The following FNDC3A variants were observed in gnomAD, a reference collection of about 807,000 sequenced individuals.
FNDC3A encodes fibronectin type III domain containing 3A.
FNDC3A carries 32 observed loss-of-function variants against 148.9 expected under a neutral mutation model. The ratio of observed to expected loss-of-function variants is 0.21; its 90% CI spans 0.16 to 0.29. The LOEUF is 0.29. Among genes scored for constraint, FNDC3A ranks in the 10% least tolerant of loss-of-function variants. FNDC3A has a pLI of 1.00. For missense variants in FNDC3A, 1,191 were observed against 1,452.8 expected (o/e 0.82, Z 2.93); for synonymous variants, 472 against 473.6 (o/e 1.00, Z 0.04).
intron 11 of FNDC3A, 146 bp downstream of exon 11, chr13:49,172,242 G>C: frequency 2.1e-6 from 1 of 474,416 alleles, no homozygotes; most frequent in African/African-American, 2.0e-5. Context: ...GTGGATTGAT[G>C]GTGTTTTCAG....
At chr13:49,041,998 G>A (rs957390140) in intron 2 of FNDC3A, among the ~76,000 whole-genome samples, 21 of 151,928 alleles carry the variant, frequency 1.4e-4, no homozygotes, top group Non-Finnish European at 1.2e-4. Context: ...ATGAGTACTA[G>A]ATAAAAAATA....
intron 2 of FNDC3A, among the ~76,000 whole-genome samples, chr13:49,042,388 T>C (rs2137689033): frequency 6.6e-6 from 1 of 152,212 alleles, no homozygotes; most frequent in East Asian, 1.9e-4. Flanking sequence ...ATTTCTTTAT[T>C]TTCTGATTCG....
intron 2 of FNDC3A, among the ~76,000 whole-genome samples, chr13:49,013,557 T>G (rs940352249): frequency 4.0e-5 from 6 of 151,748 alleles, no homozygotes; most frequent in Admixed American, 3.3e-4. Flanking sequence ...TGTATACATA[T>G]GTACACGTGT....
intron 4 of FNDC3A, among the ~76,000 whole-genome samples, chr13:49,130,886 C>T (rs1329327408): frequency 6.6e-6 from 1 of 152,128 alleles, no homozygotes; most frequent in Non-Finnish European, 1.5e-5. Flanking sequence ...CTGCCTCAGC[C>T]TCCCAAGTAG....
chr13:49,017,088 G>T (rs1464437039), intron 2 of FNDC3A, among the ~76,000 whole-genome samples: 28 of 152,084 alleles, frequency 1.8e-4, no homozygotes, highest in African/African-American at 6.3e-4. Flanking sequence ...GTTGATTTGG[G>T]GTGGAGAGTT....
chr13:49,082,883 C>T (rs1206573496), intron 3 of FNDC3A, among the ~76,000 whole-genome samples: 4 of 151,992 alleles, frequency 2.6e-5, no homozygotes, highest in Non-Finnish European at 5.9e-5. Context: ...GTCACTGACG[C>T]AATGCAATGA....
At chr13:49,151,817 G>T (rs1196267590) in intron 8 of FNDC3A, among the ~76,000 whole-genome samples, 2 of 152,148 alleles carry the variant, frequency 1.3e-5, no homozygotes, top group African/African-American at 4.8e-5. Context: ...CTATGAGTGA[G>T]AACATGCGGT....
intron 8 of FNDC3A, among the ~76,000 whole-genome samples, chr13:49,164,596 AT>A: frequency 6.7e-6 from 1 of 150,060 alleles, no homozygotes; most frequent in Admixed American, 6.6e-5. Flanking sequence ...TTGTTCATTC[AT>A]TTTTATTCTT....
intron 3 of FNDC3A, among the ~76,000 whole-genome samples, chr13:49,106,021 C>T (rs1341014237): frequency 6.6e-6 from 1 of 152,176 alleles, no homozygotes; most frequent in Non-Finnish European, 1.5e-5. Flanking sequence ...TAACCTCACT[C>T]CTTTTCTCCC....
At chr13:49,152,676 A>T (rs1386092563) in intron 8 of FNDC3A, among the ~76,000 whole-genome samples, 4 of 33,070 alleles carry the variant, frequency 1.2e-4, no homozygotes, top group African/African-American at 2.2e-4. Flanking sequence ...CCCTACCCCC[A>T]CCCCACCACA....
chr13:49,206,094 T>C (rs1253953024), intron 25 of FNDC3A, among the ~76,000 whole-genome samples: 1 of 152,172 alleles, frequency 6.6e-6, no homozygotes, highest in African/African-American at 2.4e-5. Flanking sequence ...AATTACAGAA[T>C]GAGTGGTGGG....
chr13:49,059,218 T>C (rs1876476984), intron 2 of FNDC3A, among the ~76,000 whole-genome samples: 1 of 152,148 alleles, frequency 6.6e-6, no homozygotes. Context: ...AAAAATTAAC[T>C]TAAATGGATC....
At chr13:49,099,743 CA>C (rs1324331923) in intron 3 of FNDC3A, among the ~76,000 whole-genome samples, 2 of 151,932 alleles carry the variant, frequency 1.3e-5, no homozygotes, top group Non-Finnish European at 2.9e-5. Context: ...AAATATGTAA[CA>C]TTTTTATAGT....
At chr13:49,060,206 A>G (rs909518911) in intron 2 of FNDC3A, among the ~76,000 whole-genome samples, 1 of 152,228 alleles carries the variant, frequency 6.6e-6, no homozygotes, top group African/African-American at 2.4e-5. Context: ...GAAAACAAGT[A>G]CTGAAATACT....
chr13:49,120,667 CAAA>C (rs1197034932), intron 4 of FNDC3A, among the ~76,000 whole-genome samples: 1 of 95,134 alleles, frequency 1.1e-5, no homozygotes, highest in African/African-American at 3.9e-5. Flanking sequence ...AAATGGAAAG[CAAA>C]AAAAAAAAAA....
intron 2 of FNDC3A, among the ~76,000 whole-genome samples, chr13:49,069,488 T>G (rs1186167458): frequency 6.6e-6 from 1 of 152,212 alleles, no homozygotes; most frequent in Non-Finnish European, 1.5e-5. Context: ...ACAGTAAACT[T>G]AATGTCATTT....
In FNDC3A at chr13:49,014,630, T is replaced by G. The variant is rs1952449608; in HGVS notation, c.99+8341T>G. Reference sequence around the variant, plus strand: ...AGATCCCATTTCTCAATTTTGGCTTTTGTTGCCATTGCTTTTGGTGTTTTA... The same window carrying G: ...AGATCCCATTTCTCAATTTTGGCTTGTGTTGCCATTGCTTTTGGTGTTTTA... On this transcript the variant is annotated intron_variant, in intron 2 of 25. Transcript: ENST00000492622. 6.6e-5 allele frequency among the ~76,000 whole-genome samples: 10 copies of G among 151,214 alleles called. No individual in the cohort carries two copies. In the South Asian group the frequency reaches 1.9e-3, roughly 29 times the overall value.
At chr13:48,993,670 G>A (rs1951964398) in intron 1 of FNDC3A, among the ~76,000 whole-genome samples, 1 of 152,104 alleles carries the variant, frequency 6.6e-6, no homozygotes, top group African/African-American at 2.4e-5. Flanking sequence ...ACTGATGTCT[G>A]CTGCTTTGAA....
At chr13:49,073,006 A>G (rs1469845400) in intron 2 of FNDC3A, among the ~76,000 whole-genome samples, 1 of 152,146 alleles carries the variant, frequency 6.6e-6, no homozygotes, top group Non-Finnish European at 1.5e-5. Flanking sequence ...TTTGAAATCC[A>G]GTGTTTATTT....
Sources: allele counts gnomAD v4.1 joint callset (sites outside exome capture counted in the v4.1 genomes callset), GRCh38; gene constraint gnomAD v4.1.1; transcripts MANE v1.5; gene names NCBI Gene and HGNC (gene_info 2026-07-23, HGNC 2026-07-21).